RGS6: variants seen among roughly 807,000 people sequenced by gnomAD.
RGS6 encodes the protein regulator of G-protein signaling 6.
In RGS6, 30 loss-of-function variants were observed where a neutral mutation model predicts 78.5. That is an observed-to-expected ratio of 0.38 (90% CI 0.29 to 0.52). The LOEUF is 0.52. Ranked by LOEUF, RGS6 falls within the 20% of genes least tolerant of loss-of-function variation. The pLI is 0.85. For synonymous variants in RGS6, 206 were observed against 206.0 expected (o/e 1.00, Z 0.00); for missense variants, 495 against 609.7 (o/e 0.81, Z 1.98).
At chr14:72,261,917 A>C (rs1306286983) in intron 2 of RGS6, among the ~76,000 whole-genome samples, 2 of 152,200 alleles carry the variant, frequency 1.3e-5, no homozygotes, top group Non-Finnish European at 2.9e-5. Flanking sequence ...ATGATACCTA[A>C]TATTTAAAAA....
chr14:72,476,150 A>T (rs1384496134), intron 10 of RGS6, among the ~76,000 whole-genome samples: 3 of 152,234 alleles, frequency 2.0e-5, no homozygotes, highest in African/African-American at 7.2e-5. Flanking sequence ...ACAGCTTTAA[A>T]TGTAGCTATA....
At chr14:71,949,008 G>T (rs752331252) in intron 1 of RGS6, among the ~76,000 whole-genome samples, 1 of 151,986 alleles carries the variant, frequency 6.6e-6, no homozygotes, top group Non-Finnish European at 1.5e-5. Flanking sequence ...TGTAGCAGTA[G>T]ACTATTTTTA....
At chr14:72,205,042 T>A (rs1001414324) in intron 2 of RGS6, among the ~76,000 whole-genome samples, 1 of 152,190 alleles carries the variant, frequency 6.6e-6, no homozygotes, top group Admixed American at 6.5e-5. Context: ...CATGAGCAGA[T>A]AGAGGGCAGA....
At chr14:71,915,236 G>A in the RGS6 span, among the ~76,000 whole-genome samples, 4 of 151,634 alleles carry the variant, frequency 2.6e-5, no homozygotes, top group South Asian at 4.2e-4. Flanking sequence ...CAACCTGGGC[G>A]ACAGAGTGAG....
intron 3 of RGS6, among the ~76,000 whole-genome samples, chr14:72,414,559 A>G (rs1176087407): frequency 6.6e-6 from 1 of 151,936 alleles, no homozygotes; most frequent in Non-Finnish European, 1.5e-5. Context: ...CCTTCTCTCA[A>G]CTCGTCAAAG....
intron 14 of RGS6, among the ~76,000 whole-genome samples, chr14:72,515,473 C>A (rs1050437900): frequency 6.6e-6 from 1 of 152,228 alleles, no homozygotes; most frequent in Admixed American, 6.5e-5. Flanking sequence ...CAAGACCAGC[C>A]TGGCCAACAT....
chr14:72,617,523 G>A, the RGS6 span, among the ~76,000 whole-genome samples: 3,630 of 152,178 alleles, frequency 0.024, 142 homozygotes, highest in African/African-American at 0.082. Flanking sequence ...CCATCCGGTC[G>A]GGGGCCCTTT....
intron 2 of RGS6, among the ~76,000 whole-genome samples, chr14:72,303,319 G>T (rs1302479112): frequency 6.6e-6 from 1 of 152,138 alleles, no homozygotes; most frequent in Non-Finnish European, 1.5e-5. Context: ...TGGCCAACAT[G>T]GTGAAACCCC....
chr14:72,242,334 T>G (rs2053080687), intron 2 of RGS6, among the ~76,000 whole-genome samples: 1 of 152,146 alleles, frequency 6.6e-6, no homozygotes, highest in Admixed American at 6.6e-5. Flanking sequence ...AAACTGCCTT[T>G]GAGGGGAGTT....
intron 2 of RGS6, among the ~76,000 whole-genome samples, chr14:71,976,285 A>G (rs2094123738): frequency 6.8e-6 from 1 of 147,358 alleles, no homozygotes; most frequent in African/African-American, 2.5e-5. Flanking sequence ...TTATACTTTA[A>G]GTTTTAGGGT....
intron 11 of RGS6, 49 bp downstream of exon 11, chr14:72,476,889 A>T: frequency 2.7e-6 from 4 of 1,507,508 alleles, no homozygotes; most frequent in Non-Finnish European, 2.8e-6. Flanking sequence ...TGGCCAGTTT[A>T]AAAACCCTTT....
At chr14:72,042,237 C>G (rs538213378) in intron 2 of RGS6, among the ~76,000 whole-genome samples, 117 of 151,302 alleles carry the variant, frequency 7.7e-4, no homozygotes, top group African/African-American at 2.7e-3. Context: ...AAGCAATTCT[C>G]CTGCCTCAGC....
chr14:71,893,115 A>G, the RGS6 span, among the ~76,000 whole-genome samples: 1 of 152,226 alleles, frequency 6.6e-6, no homozygotes, highest in African/African-American at 2.4e-5. Flanking sequence ...TATGTACTCT[A>G]ATCAGGAATT....
intron 17 of RGS6, among the ~76,000 whole-genome samples, chr14:72,546,553 C>A (rs1183086932): frequency 6.6e-6 from 1 of 152,202 alleles, no homozygotes; most frequent in Non-Finnish European, 1.5e-5. Context: ...AGCCAAAATG[C>A]TCTCCCCACG....
At chr14:72,351,353 C>T (rs2079073971) in intron 2 of RGS6, among the ~76,000 whole-genome samples, 1 of 152,112 alleles carries the variant, frequency 6.6e-6, no homozygotes, top group Non-Finnish European at 1.5e-5. Context: ...GGTTTAGGCA[C>T]CTACACCCTC....
chr14:72,557,287 C>T (rs544200665), intron 17 of RGS6, among the ~76,000 whole-genome samples: 6 of 152,316 alleles, frequency 3.9e-5, no homozygotes, highest in African/African-American at 1.4e-4. Flanking sequence ...CCCCTGCCAG[C>T]GTTTCTCCGA....
chr14:72,535,527 A>G (rs926339155), intron 15 of RGS6, among the ~76,000 whole-genome samples: 3 of 152,252 alleles, frequency 2.0e-5, no homozygotes, highest in African/African-American at 7.2e-5. Context: ...TGACATGGCT[A>G]CAATCCCCTG....
chr14:72,368,334 T>G (rs2152822921), intron 3 of RGS6, among the ~76,000 whole-genome samples: 1 of 152,350 alleles, frequency 6.6e-6, no homozygotes, highest in South Asian at 2.1e-4. Flanking sequence ...TTTCTCAAGA[T>G]GTTCTAACTG....
the RGS6 span, among the ~76,000 whole-genome samples, chr14:71,918,600 CTT>C: frequency 1.3e-5 from 2 of 152,260 alleles, no homozygotes; most frequent in South Asian, 4.2e-4. Context: ...AGCAAAATAA[CTT>C]TGTGTTTCCA....
Sources: gnomAD v4.1 joint callset for allele counts (sites outside exome capture counted in the v4.1 genomes callset) on GRCh38, gnomAD v4.1.1 for gene constraint, MANE v1.5 for transcripts, NCBI Gene and HGNC (gene_info 2026-07-23, HGNC 2026-07-21) for gene names.